DLG2: variants seen among roughly 807,000 people sequenced by gnomAD.
DLG2 encodes the protein discs large MAGUK scaffold protein 2, also known as disks large homolog 2.
DLG2 carries 45 observed loss-of-function variants against 132.5 expected under a neutral mutation model. The ratio of observed to expected loss-of-function variants is 0.34; its 90% CI spans 0.27 to 0.44. The LOEUF is 0.44. Among genes scored for constraint, DLG2 ranks in the 20% least tolerant of loss-of-function variants. The pLI is 1.00. For synonymous variants in DLG2, 424 were observed against 419.6 expected (o/e 1.01, Z -0.13); for missense variants, 1,045 against 1,196.9 (o/e 0.87, Z 1.87).
At chr11:85,296,981 T>C (rs1056148969) in intron 3 of DLG2, among the ~76,000 whole-genome samples, 7 of 151,024 alleles carry the variant, frequency 4.6e-5, no homozygotes, top group Non-Finnish European at 8.9e-5. Flanking sequence ...AATTATCATA[T>C]ACATATCATT....
intron 19 of DLG2, among the ~76,000 whole-genome samples, chr11:83,629,260 T>C (rs1285635815): frequency 6.6e-6 from 1 of 152,166 alleles, no homozygotes; most frequent in Non-Finnish European, 1.5e-5. Flanking sequence ...CCATTATAGG[T>C]CCTGGCACAT....
intron 4 of DLG2, among the ~76,000 whole-genome samples, chr11:85,184,216 C>A (rs1394960004): frequency 6.6e-6 from 1 of 151,744 alleles, no homozygotes; most frequent in African/African-American, 2.4e-5. Flanking sequence ...TATGAAAGTA[C>A]TATTAAAAGT....
chr11:84,576,925 A>T (rs1235443195), intron 6 of DLG2, among the ~76,000 whole-genome samples: 23 of 152,104 alleles, frequency 1.5e-4, no homozygotes. Flanking sequence ...CTCCATCCAA[A>T]TCTTAACTTG....
At chr11:83,809,999 A>G (rs1463196276) in intron 17 of DLG2, among the ~76,000 whole-genome samples, 1 of 152,160 alleles carries the variant, frequency 6.6e-6, no homozygotes, top group Non-Finnish European at 1.5e-5. Flanking sequence ...TAGGAGACTA[A>G]GCAAATAACT....
intron 6 of DLG2, among the ~76,000 whole-genome samples, chr11:84,783,673 G>A (rs1481472617): frequency 6.6e-6 from 1 of 151,998 alleles, no homozygotes; most frequent in Non-Finnish European, 1.5e-5. Flanking sequence ...GATCTATAAA[G>A]GTAATTACTA....
At chr11:85,308,229 G>A (rs1416686065) in intron 3 of DLG2, among the ~76,000 whole-genome samples, 1 of 146,894 alleles carries the variant, frequency 6.8e-6, no homozygotes, top group Non-Finnish European at 1.5e-5. Context: ...ACTCTTTTCA[G>A]AAAGCCAGTT....
chr11:83,963,114 A>G, intron 13 of DLG2, 91 bp from the exon 14 acceptor site: 1 of 1,434,644 alleles, frequency 7.0e-7, no homozygotes, highest in South Asian at 1.2e-5. Flanking sequence ...TTAAAAACAG[A>G]AAGGCTTTGC....
intron 21 of DLG2, among the ~76,000 whole-genome samples, chr11:83,526,204 C>T (rs932740974): frequency 7.9e-5 from 12 of 152,252 alleles, no homozygotes; most frequent in African/African-American, 2.4e-4. Context: ...TAGGAACAGT[C>T]GGGACAAATG....
At chr11:84,869,985 G>T (rs969508572) in intron 6 of DLG2, among the ~76,000 whole-genome samples, 3 of 152,176 alleles carry the variant, frequency 2.0e-5, no homozygotes, top group Non-Finnish European at 4.4e-5. Flanking sequence ...GCACAAAGAT[G>T]GAAGGACTCA....
At chr11:84,826,437 G>A (rs145920743) in intron 6 of DLG2, among the ~76,000 whole-genome samples, 17 of 151,866 alleles carry the variant, frequency 1.1e-4, no homozygotes, top group African/African-American at 4.1e-4. Flanking sequence ...GAGCCTCGGA[G>A]GCAAAAATAC....
In DLG2 at chr11:83,700,494, TAC is replaced by T. The variant is rs1271866783; in HGVS notation, c.1826-67171_1826-67170del. Among the ~76,000 whole-genome samples, 6 of 152,118 alleles carry T rather than the reference TAC, an allele frequency of 3.9e-5. No individual in the cohort carries two copies. In the South Asian group the frequency reaches 8.3e-4, roughly 21 times the overall value. The stretch of plus-strand genomic sequence containing the variant: ...TGGAGCTTTTACTTAGGAACCTGAA[TAC>T]AGTGGATGAAAGACTACAAAATGTA... On this transcript the variant is annotated intron_variant, in intron 18 of 27. Coordinates refer to ENST00000376104, the MANE Select transcript of DLG2 (RefSeq NM_001142699.3).
At chr11:83,704,654 TAAAAAA>T (rs769615246) in intron 18 of DLG2, among the ~76,000 whole-genome samples, 1 of 105,990 alleles carries the variant, frequency 9.4e-6, no homozygotes, top group African/African-American at 3.6e-5. Flanking sequence ...CCGTCTCTAC[TAAAAAA>T]AAAAAAAAAA....
At chr11:83,793,858 A>G (rs142173714) in intron 17 of DLG2, among the ~76,000 whole-genome samples, 1 of 152,332 alleles carries the variant, frequency 6.6e-6, no homozygotes, top group African/African-American at 2.4e-5. Context: ...ATTAACCAAC[A>G]CAGAGTGCAA....
In DLG2 at chr11:84,825,309, A is replaced by G. The variant is rs1004751525; in HGVS notation, c.357+286352T>C. On this transcript the variant is annotated intron_variant, in intron 6 of 27. Coordinates refer to ENST00000376104, the MANE Select transcript of DLG2 (RefSeq NM_001142699.3). ...GAGGAAGTGAAGGTAGACAGAATTT[A>G]CTGTCCTTTCACATTCCTAAGGCCC... 3.9e-5 allele frequency among the ~76,000 whole-genome samples: 6 copies of G among 151,964 alleles called. No homozygotes were observed. The South Asian group carries it at 8.3e-4, about 21-fold the overall frequency.
chr11:83,926,970 T>C (rs2079093321), intron 15 of DLG2, among the ~76,000 whole-genome samples: 1 of 152,158 alleles, frequency 6.6e-6, no homozygotes, highest in South Asian at 2.1e-4. Flanking sequence ...GGATTTATAA[T>C]GTAGACAATC....
At chr11:84,984,745 A>G (rs1480044483) in intron 6 of DLG2, among the ~76,000 whole-genome samples, 1 of 152,140 alleles carries the variant, frequency 6.6e-6, no homozygotes, top group African/African-American at 2.4e-5. Context: ...CAAGAGACAC[A>G]CCTAACATAA....
intron 3 of DLG2, among the ~76,000 whole-genome samples, chr11:85,404,923 T>C (rs2088571567): frequency 6.6e-6 from 1 of 151,970 alleles, no homozygotes; most frequent in African/African-American, 2.4e-5. Context: ...ATTAACACTA[T>C]TTAGACTGCA....
chr11:85,173,993 G>A (rs187891886), intron 4 of DLG2, among the ~76,000 whole-genome samples: 1 of 152,222 alleles, frequency 6.6e-6, no homozygotes. Context: ...AGAACTAAAA[G>A]AGACTTAGAC....
At chr11:84,490,726 T>C (rs1317977942) in intron 7 of DLG2, among the ~76,000 whole-genome samples, 1 of 151,168 alleles carries the variant, frequency 6.6e-6, no homozygotes, top group African/African-American at 2.4e-5. Flanking sequence ...GAGAATTGCC[T>C]GAGAAGGATA....
Sources: allele counts gnomAD v4.1 joint callset (sites outside exome capture counted in the v4.1 genomes callset), GRCh38; gene constraint gnomAD v4.1.1; transcripts MANE v1.5; gene names NCBI Gene and HGNC (gene_info 2026-07-23, HGNC 2026-07-21).